The following SIMC1 variants were observed in gnomAD, a reference collection of about 807,000 sequenced individuals.
The protein encoded by SIMC1 is SUMO interacting motifs containing 1, also known as SUMO-interacting motif-containing protein 1.
SIMC1 carries 55 observed loss-of-function variants against 82.3 expected under a neutral mutation model. That is an observed-to-expected ratio of 0.67 (90% CI 0.54 to 0.84). The LOEUF (loss-of-function observed/expected upper bound fraction) is 0.84, where lower values mean the gene tolerates loss of function less well. Ranked by LOEUF, SIMC1 falls within the 40% of genes least tolerant of loss-of-function variation. The probability of loss-of-function intolerance (pLI) is 0.00; values close to 1 mark genes in which losing one functional copy is unlikely to be tolerated. For synonymous variants in SIMC1, 353 were observed against 426.3 expected (o/e 0.83, Z 2.12); for missense variants, 915 against 1,107.2 (o/e 0.83, Z 2.46).
rs147486006 is a variant in SIMC1 at position 176,290,339 on chromosome 5, G to A, written c.815G>A (p.Arg272Gln). Residue 272 changes from arginine to glutamine, a missense_variant, in exon 2 of 10, where the codon CGG becomes CAG. Physicochemically the swap from Arg to Gln is conservative, Grantham distance 43. Around this residue, in one of 2 missense-constraint regions of SIMC1, gnomAD observed 902 missense variants for 1,040.3 expected, o/e 0.87. Transcript: ENST00000429602. ...CCACCTCAAGAAGTGCCATGCCCTCGGCAGAATATCCCAGGCCCACCTCAA... is the reference window on the plus strand; with the variant it reads ...CCACCTCAAGAAGTGCCATGCCCTCAGCAGAATATCCCAGGCCCACCTCAA... Reference protein sequence around the residue: ...THPPQEVPCPRQNIPGPPQDS... With the variant: ...THPPQEVPCPQQNIPGPPQDS... 5.1e-5 allele frequency: 83 copies of A among 1,613,718 alleles called. No homozygotes were observed. The African/African-American group carries it at 5.7e-4, about 11-fold the overall frequency.
In SIMC1 at chr5:176,287,549, C is replaced by T. The variant is rs181298596; in HGVS notation, c.130-2105C>T. On this transcript the variant is annotated intron_variant, in intron 1 of 9. Transcript: ENST00000429602. Reference sequence around the variant, plus strand: ...AATGTAAATGACGACTTAATGGTTGCAGCACACCAACATCGCACATGTACA... The same window carrying T: ...AATGTAAATGACGACTTAATGGTTGTAGCACACCAACATCGCACATGTACA... Among the ~76,000 whole-genome samples the T allele has an allele frequency of 5.5e-3, 834 of 152,228 alleles. 6 individuals are homozygous for T. The highest frequency in any genetic ancestry group is 9.0e-3 in the Admixed American group (137 of 15,302).
At position 176,290,697 on chromosome 5, in the gene SIMC1, C is replaced by G. The variant is rs778445257; in HGVS notation, c.1173C>G (p.Ser391=). The G allele has an allele frequency of 6.2e-7, 1 of 1,614,012 alleles. No homozygotes were observed. Among genetic ancestry groups the G allele is most frequent in the Non-Finnish European group, 8.5e-7 (1 of 1,179,886 alleles). The change falls in exon 2 of 10, where the codon TCC becomes TCG. Residue 391 remains serine (S), a synonymous_variant. Coordinates refer to ENST00000429602, the MANE Select transcript of SIMC1 (RefSeq NM_001308195.2). ...RDMPMDISAL[S]SPSCSPSPQS... The stretch of plus-strand genomic sequence containing the variant: ...TGCCTATGGATATCTCAGCTCTGTC[C>G]TCTCCAAGCTGCTCTCCCAGCCCAC...
At chr5:176,319,990 G>A (rs1765087831) in intron 5 of SIMC1, among the ~76,000 whole-genome samples, 1 of 152,174 alleles carries the variant, frequency 6.6e-6, no homozygotes, top group African/African-American at 2.4e-5. Context: ...CCTCTAGGTG[G>A]AACTGATTTC....
intron 4 of SIMC1, among the ~76,000 whole-genome samples, chr5:176,311,001 A>G (rs543188825): frequency 7.9e-5 from 12 of 152,362 alleles, no homozygotes; most frequent in Non-Finnish European, 1.2e-4. Flanking sequence ...ATATGATTCT[A>G]TTTCTAAGAA....
chr5:176,334,534 C>T (rs75823125), intron 7 of SIMC1, among the ~76,000 whole-genome samples: 1 of 152,170 alleles, frequency 6.6e-6, no homozygotes, highest in Admixed American at 6.5e-5. Context: ...TGCAACCCCC[C>T]AGTAGCTGTT....
At chr5:176,266,743 G>C (rs1288562364) in intron 1 of SIMC1, among the ~76,000 whole-genome samples, 1 of 57,696 alleles carries the variant, frequency 1.7e-5, no homozygotes, top group African/African-American at 9.0e-5. Flanking sequence ...TTGTAAATGT[G>C]TTCAATGAGT....
At chr5:176,304,386 G>C (rs921475178) in intron 4 of SIMC1, 1 of 170,952 alleles carries the variant, frequency 5.8e-6, no homozygotes, top group East Asian at 1.9e-4. Context: ...ACGGGGTTTC[G>C]CTGTGTTGGC....
At position 176,295,128 on chromosome 5, in the gene SIMC1, G is replaced by A; in HGVS notation, c.1530G>A (p.Leu510=). ...TTCCTCTGGGGACTGTGCAGTTTTT[G>A]ATGGACTTTGTGTCACCCCAGCATT... ...ENFPLGTVQF[L]MDFVSPQHYP... is the part of the protein sequence containing the mutation. Residue 510 remains leucine, a synonymous_variant, in exon 3 of 10, where the codon TTG becomes TTA. Transcript: ENST00000429602. 1 of 1,613,598 alleles carries A rather than the reference G, an allele frequency of 6.2e-7. No homozygotes were observed. The highest frequency in any genetic ancestry group is 1.7e-5 in the Admixed American group (1 of 60,008).
At chr5:176,307,482 G>A (rs1764474986) in intron 4 of SIMC1, among the ~76,000 whole-genome samples, 1 of 152,234 alleles carries the variant, frequency 6.6e-6, no homozygotes, top group Middle Eastern at 3.4e-3. Context: ...CTCACTTCAA[G>A]CTCTGCCTCC....
intron 1 of SIMC1, among the ~76,000 whole-genome samples, chr5:176,257,090 A>C (rs1400130429): frequency 1.3e-5 from 2 of 151,968 alleles, no homozygotes; most frequent in Middle Eastern, 3.4e-3. Flanking sequence ...TATTTTATTT[A>C]CTTGTGTTTC....
At chr5:176,242,517 GGCTGTGGAGTTCATCTGT>G (rs1185322108) in intron 1 of SIMC1, among the ~76,000 whole-genome samples, 3 of 151,526 alleles carry the variant, frequency 2.0e-5, no homozygotes, top group Admixed American at 1.3e-4. Flanking sequence ...AATTTTTATA[GGCTGTGGAGTTCATCTGT>G]GAGTTTTCCA....
At position 176,290,335 on chromosome 5, in the gene SIMC1, C is replaced by T; in HGVS notation, c.811C>T (p.Pro271Ser). Reference sequence around the variant, plus strand: ...TCACCCACCTCAAGAAGTGCCATGCCCTCGGCAGAATATCCCAGGCCCACC... The same window carrying T: ...TCACCCACCTCAAGAAGTGCCATGCTCTCGGCAGAATATCCCAGGCCCACC... ...LTHPPQEVPC[P>S]RQNIPGPPQD... Residue 271 changes from proline to serine, a missense_variant, in exon 2 of 10, where the codon CCT becomes TCT. Pro to Ser is a moderately conservative substitution (Grantham distance 74). Around this residue, in one of 2 missense-constraint regions of SIMC1, gnomAD observed 902 missense variants for 1,040.3 expected, o/e 0.87. Coordinates refer to ENST00000429602, the MANE Select transcript of SIMC1 (RefSeq NM_001308195.2). 1.2e-6 allele frequency: 2 copies of T among 1,613,998 alleles called. No individual in the cohort carries two copies. Among genetic ancestry groups the T allele is most frequent in the South Asian group, 1.1e-5 (1 of 91,072 alleles).
At chr5:176,316,715 T>C (rs1764925735) in intron 5 of SIMC1, among the ~76,000 whole-genome samples, 1 of 151,150 alleles carries the variant, frequency 6.6e-6, no homozygotes, top group Non-Finnish European at 1.5e-5. Context: ...CATTTTGGGC[T>C]GCACATGGTG....
At chr5:176,274,915 C>A (rs967332964) in intron 1 of SIMC1, among the ~76,000 whole-genome samples, 1 of 151,868 alleles carries the variant, frequency 6.6e-6, no homozygotes, top group African/African-American at 2.4e-5. Flanking sequence ...TAGCGTGATG[C>A]CTCCAGCAGT....
intron 4 of SIMC1, among the ~76,000 whole-genome samples, chr5:176,297,560 A>G (rs1173573022): frequency 1.3e-5 from 2 of 151,654 alleles, no homozygotes; most frequent in Non-Finnish European, 2.9e-5. Context: ...AAACAAAGAC[A>G]GCTAGTGCAG....
At chr5:176,282,324 T>A (rs2113226860) in intron 1 of SIMC1, among the ~76,000 whole-genome samples, 1 of 152,298 alleles carries the variant, frequency 6.6e-6, no homozygotes, top group Middle Eastern at 3.4e-3. Context: ...ATTTTCCAGG[T>A]GCCGTCTGTC....
chr5:176,332,627 A>G (rs1324483412), intron 7 of SIMC1, among the ~76,000 whole-genome samples: 1 of 152,186 alleles, frequency 6.6e-6, no homozygotes, highest in East Asian at 1.9e-4. Context: ...TTTTGACATA[A>G]TTGTAAATTC....
At chr5:176,288,985 C>G (rs1763425757) in intron 1 of SIMC1, among the ~76,000 whole-genome samples, 1 of 152,122 alleles carries the variant, frequency 6.6e-6, no homozygotes, top group South Asian at 2.1e-4. Context: ...CTCAGACTTA[C>G]ACTATTGGTT....
At chr5:176,271,999 C>T (rs1012424146) in intron 1 of SIMC1, among the ~76,000 whole-genome samples, 1 of 141,960 alleles carries the variant, frequency 7.0e-6, no homozygotes, top group African/African-American at 2.6e-5. Flanking sequence ...ATATATATAA[C>T]ATATGTAATA....
Sources: gnomAD v4.1 joint callset for allele counts (sites outside exome capture counted in the v4.1 genomes callset) on GRCh38, gnomAD v4.1.1 for gene constraint, gnomAD v4.1.1 regional missense constraint, MANE v1.5 for transcripts, NCBI Gene and HGNC (gene_info 2026-07-23, HGNC 2026-07-21) for gene names.